Variants in OTUD7B observed in about 807,000 individuals in gnomAD.
The protein encoded by OTUD7B is OTU domain-containing protein 7B.
A neutral mutation model predicts 82.2 loss-of-function variants in OTUD7B; 34 were observed. That is an observed-to-expected ratio of 0.41 (90% CI 0.31 to 0.55). OTUD7B has a LOEUF of 0.55. Ranked by LOEUF, OTUD7B falls within the 20% of genes least tolerant of loss-of-function variation. The pLI, the probability that OTUD7B is intolerant of heterozygous loss-of-function variation, is 0.20. For synonymous variants in OTUD7B, 398 were observed against 402.7 expected, an observed-to-expected ratio of 0.99 and a Z score of 0.14; for missense variants, 944 against 1,062.1, an observed-to-expected ratio of 0.89 and a Z score of 1.55.
chr1:150,015,370 T>A (rs1653236712), upstream of OTUD7B, among the ~76,000 whole-genome samples: 1 of 147,758 alleles, frequency 6.8e-6, no homozygotes, highest in Admixed American at 6.9e-5. Flanking sequence ...CTCGGCTCAC[T>A]GCAACCTCCA....
chr1:150,053,472 C>T, the OTUD7B span, among the ~76,000 whole-genome samples: 1 of 151,886 alleles, frequency 6.6e-6, no homozygotes, highest in East Asian at 1.9e-4. Flanking sequence ...TCTCGGCTCA[C>T]CGCAACTTCT....
the OTUD7B span, among the ~76,000 whole-genome samples, chr1:150,025,979 T>C: frequency 6.6e-6 from 1 of 152,212 alleles, no homozygotes; most frequent in African/African-American, 2.4e-5. Flanking sequence ...GGAGCTTGAA[T>C]GGCCTTGAGT....
the OTUD7B span, among the ~76,000 whole-genome samples, chr1:150,049,623 C>CTT: frequency 2.0e-5 from 1 of 49,522 alleles, no homozygotes; most frequent in Non-Finnish European, 3.4e-5. Flanking sequence ...CCTTCTCTCT[C>CTT]TCTCTCTTTC....
chr1:150,009,865 C>A (rs115171875), intron 1 of OTUD7B, among the ~76,000 whole-genome samples: 170 of 152,206 alleles, frequency 1.1e-3, no homozygotes, highest in African/African-American at 3.9e-3. Flanking sequence ...TTTCCATCGG[C>A]TCATGGCAAC....
At chr1:150,007,985 A>G (rs1342077229) in intron 1 of OTUD7B, among the ~76,000 whole-genome samples, 1 of 152,200 alleles carries the variant, frequency 6.6e-6, no homozygotes, top group African/African-American at 2.4e-5. Flanking sequence ...TATAATGGCC[A>G]GTGTCTTTTA....
intron 1 of OTUD7B, among the ~76,000 whole-genome samples, chr1:149,996,451 A>T (rs1553783436): frequency 1.3e-5 from 2 of 152,234 alleles, no homozygotes; most frequent in Non-Finnish European, 1.5e-5. Context: ...AATATATGTA[A>T]ACAGTGGCAT....
At chr1:150,004,309 C>G (rs1476176757) in intron 1 of OTUD7B, among the ~76,000 whole-genome samples, 4 of 152,082 alleles carry the variant, frequency 2.6e-5, no homozygotes, top group African/African-American at 9.7e-5. Context: ...CCTGTCATCC[C>G]AGCACTTTGG....
intron 10 of OTUD7B, among the ~76,000 whole-genome samples, chr1:149,948,706 G>C (rs1245514926): frequency 6.6e-6 from 1 of 152,106 alleles, no homozygotes; most frequent in East Asian, 1.9e-4. Flanking sequence ...TTTTAGAGAT[G>C]AATCAGTGTA....
chr1:149,974,551 C>CCTTT (rs1559848221), intron 2 of OTUD7B, among the ~76,000 whole-genome samples: 2,138 of 32,760 alleles, frequency 0.065, 80 homozygotes, highest in African/African-American at 0.16. Flanking sequence ...TCTTAGTTAA[C>CCTTT]TTTTTTTTTT....
At chr1:149,951,380 A>C (rs587616623) in intron 7 of OTUD7B, among the ~76,000 whole-genome samples, 1 of 152,262 alleles carries the variant, frequency 6.6e-6, no homozygotes, top group East Asian at 1.9e-4. Flanking sequence ...CTGGGATTAC[A>C]GGTGTGAGCC....
At position 149,985,385 on chromosome 1, in the gene OTUD7B, C is replaced by T. The variant is rs1247938066; in HGVS notation, c.-66-7809G>A. On this transcript the variant is annotated intron_variant, in intron 1 of 11. Coordinates refer to ENST00000581312, the MANE Select transcript of OTUD7B (RefSeq NM_020205.4). Reference sequence around the variant, plus strand: ...TCATGCGACTGCACTCCAGCTTGGGCGACAGAGCGAGACCCCATCTCAAAA... The same window carrying T: ...TCATGCGACTGCACTCCAGCTTGGGTGACAGAGCGAGACCCCATCTCAAAA... 4.0e-5 allele frequency among the ~76,000 whole-genome samples: 6 copies of T among 151,788 alleles called. No individual in the cohort carries two copies. In the South Asian group the frequency reaches 6.3e-4, roughly 16 times the overall value.
chr1:150,000,651 A>T (rs1324696498), intron 1 of OTUD7B, among the ~76,000 whole-genome samples: 1 of 152,188 alleles, frequency 6.6e-6, no homozygotes, highest in African/African-American at 2.4e-5. Context: ...CTATTTATGT[A>T]AAATTTCAAA....
intron 10 of OTUD7B, among the ~76,000 whole-genome samples, chr1:149,948,163 G>A (rs1166121317): frequency 6.6e-6 from 1 of 150,404 alleles, no homozygotes; most frequent in African/African-American, 2.5e-5. Context: ...ATTTTTAGTA[G>A]AGATGTGGTT....
chr1:150,060,226 G>A, the OTUD7B span, among the ~76,000 whole-genome samples: 1 of 152,184 alleles, frequency 6.6e-6, no homozygotes, highest in Admixed American at 6.5e-5. Context: ...GATGAACTGT[G>A]TCCCTGCAAA....
intron 4 of OTUD7B, 27 bp from the exon 5 acceptor site, chr1:149,965,905 A>C (rs1553776474): frequency 1.3e-6 from 2 of 1,577,738 alleles, no homozygotes; most frequent in Admixed American, 1.7e-5. Flanking sequence ...GTGGAGGAAA[A>C]GGAGATTATC....
At chr1:149,994,320 C>T (rs1020277913) in intron 1 of OTUD7B, among the ~76,000 whole-genome samples, 3 of 152,068 alleles carry the variant, frequency 2.0e-5, no homozygotes, top group Non-Finnish European at 4.4e-5. Flanking sequence ...CAGTGGCTCA[C>T]GCCTATAATC....
chr1:150,027,495 G>A, the OTUD7B span, among the ~76,000 whole-genome samples: 1 of 152,172 alleles, frequency 6.6e-6, no homozygotes, highest in Non-Finnish European at 1.5e-5. Flanking sequence ...GCTGAGGCAG[G>A]AGAATCGGTT....
Position 149,983,653 on chromosome 1 carries a change from C to T in OTUD7B, c.-66-6077G>A, listed in dbSNP as rs782115661. ...GAACATAAAGATGAGAATGTTGCTA[C>T]AGGAGGATGAAGAGAGGGCCTAGTG... is the stretch of plus-strand genomic sequence containing the variant. On this transcript the variant is annotated intron_variant, in intron 1 of 11. Coordinates refer to ENST00000581312, the MANE Select transcript of OTUD7B (RefSeq NM_020205.4). Among the ~76,000 whole-genome samples, 217 of 152,108 alleles carry T rather than the reference C, an allele frequency of 1.4e-3. 1 individual carries two copies. The highest frequency in any genetic ancestry group is 2.4e-3 in the Non-Finnish European group (161 of 68,012).
chr1:150,004,782 C>T (rs989543251), intron 1 of OTUD7B, among the ~76,000 whole-genome samples: 2 of 152,090 alleles, frequency 1.3e-5, no homozygotes, highest in Non-Finnish European at 2.9e-5. Context: ...TCGCTTGATC[C>T]CTTTCAGCTC....
Sources: gnomAD v4.1 joint callset for allele counts (sites outside exome capture counted in the v4.1 genomes callset) on GRCh38, gnomAD v4.1.1 for gene constraint, MANE v1.5 for transcripts, NCBI Gene and HGNC (gene_info 2026-07-23, HGNC 2026-07-21) for gene names.